Variants in PSMB6 observed in about 807,000 individuals in gnomAD.
PSMB6 encodes the protein proteasome subunit beta type-6.
A neutral mutation model predicts 28.2 loss-of-function variants in PSMB6; 11 were observed. The observed-to-expected ratio is 0.39, with a 90% CI of 0.25 to 0.65. The LOEUF (loss-of-function observed/expected upper bound fraction) is 0.65. PSMB6 is among the 30% of genes least tolerant of loss of function. The probability of loss-of-function intolerance (pLI) is 0.48; values close to 1 mark genes in which losing one functional copy is unlikely to be tolerated. For missense variants in PSMB6, 268 were observed against 319.4 expected, an observed-to-expected ratio of 0.84 and a Z score of 1.23; for synonymous variants, 126 against 117.7, an observed-to-expected ratio of 1.07 and a Z score of -0.45.
At position 4,796,742 on chromosome 17, in the gene PSMB6, C is replaced by G. The variant is rs776873441; in HGVS notation, c.117C>G (p.Ala39=). 6.2e-7 allele frequency: 1 copy of G among 1,607,402 alleles called. No homozygotes were observed. The highest frequency in any genetic ancestry group is 1.7e-5 in the Admixed American group (1 of 59,980). The change falls in exon 2 of 6, where the codon GCC becomes GCG. Residue 39 remains alanine, a synonymous_variant. Transcript: ENST00000270586. ...CCTTTTCCCAGACCACTATCATGGC[C>G]GTGCAGTTTGACGGGGGCGTGGTTC... is the stretch of plus-strand genomic sequence containing the variant. ...REVSTGTTIM[A]VQFDGGVVLG...
chr17:4,797,150 C>T (rs1905354341), intron 2 of PSMB6: 1 of 440,586 alleles, frequency 2.3e-6, no homozygotes, highest in African/African-American at 2.0e-5. Context: ...CCCGTCTCTA[C>T]TAAAAAATAC....
chr17:4,796,173 G>A lies in PSMB6; in HGVS notation c.-22G>A. ...CAGAGCGCTTTACGACAGTTGCTTT[G>A]AGGCAGTACCGGAGGAGAAAGATGG... On this transcript the variant is annotated 5_prime_UTR_variant, in exon 1 of 6. Transcript: ENST00000270586. The A allele has an allele frequency of 6.4e-7, 1 of 1,562,242 alleles. No homozygotes were observed. Among genetic ancestry groups the A allele is most frequent in the South Asian group, 1.2e-5 (1 of 84,962 alleles).
intron 4 of PSMB6, 37 bp from the exon 5 acceptor site, chr17:4,797,972 G>C: frequency 6.2e-7 from 1 of 1,613,126 alleles, no homozygotes; most frequent in African/African-American, 1.3e-5. Context: ...GTTGGAGGGA[G>C]GATACGACTG....
rs1367068299 is a variant in PSMB6, at chr17:4,798,493, G to T, written c.*71G>T. 2.6e-6 allele frequency: 4 copies of T among 1,516,874 alleles called. No homozygotes were observed. The highest frequency in any genetic ancestry group is 1.4e-5 in the African/African-American group (1 of 71,438). 94.0% of individuals were successfully genotyped at this position (1,516,874 alleles called of 1,614,324 possible). A position where few individuals can be genotyped will look rare whatever the true frequency, so the allele number is the denominator to read the frequency against. ...AAAATTTAATAAAGTTTGTCACAGA[G>T]AATCTTTGTACTTTGGGGTTCTTTT... On this transcript the variant is annotated 3_prime_UTR_variant, in exon 6 of 6. Coordinates refer to ENST00000270586, the MANE Select transcript of PSMB6 (RefSeq NM_002798.3).
Position 4,797,559 on chromosome 17 carries a change from G to C in PSMB6, c.292G>C (p.Gly98Arg), listed in dbSNP as rs371370042. ...AGCTGATGCTGTCACCTACCAGCTCGGTTTCCACAGGTGCTTGTGGGCAGG... is the reference window on the plus strand; with the variant it reads ...AGCTGATGCTGTCACCTACCAGCTCCGTTTCCACAGGTGCTTGTGGGCAGG... The part of the protein sequence containing the change: ...AVADAVTYQL[G>R]FHSIELNEPP... Residue 98 changes from glycine (G) to arginine (R), a missense_variant, in exon 3 of 6, where the codon GGT (glycine) becomes CGT (arginine). Coordinates refer to ENST00000270586, the MANE Select transcript of PSMB6 (RefSeq NM_002798.3). 1 of 1,597,310 alleles carries C rather than the reference G, an allele frequency of 6.3e-7. No homozygotes were observed.
At chr17:4,796,325 G>A (rs1456410023) in intron 1 of PSMB6, 29 bp downstream of exon 1, 3 of 1,514,468 alleles carry the variant, frequency 2.0e-6, no homozygotes, top group East Asian at 2.4e-5. Context: ...TTCATAGGAC[G>A]TGCACAAGGC....
In PSMB6 at chr17:4,798,030, G is replaced by T; in HGVS notation, c.454G>T (p.Gly152Cys). The T allele has an allele frequency of 6.2e-7, 1 of 1,614,130 alleles. No homozygotes were observed. Among genetic ancestry groups the T allele is most frequent in the Non-Finnish European group, 8.5e-7 (1 of 1,180,016 alleles). ...GGQVYSVPMG[G>C]MMVRQSFAIG... ...GCAGGTGTACTCAGTGCCTATGGGG[G>T]GTATGATGGTAAGGCAGTCCTTTGC... Residue 152 changes from glycine (G) to cysteine (C), a missense_variant, in exon 5 of 6, where the codon GGT becomes TGT. Gly to Cys is a radical substitution (Grantham distance 159). Coordinates refer to ENST00000270586, the MANE Select transcript of PSMB6 (RefSeq NM_002798.3).
rs1263627997 is a variant in PSMB6, at chr17:4,797,451, A to C, written c.184A>C (p.Asn62His). 2 of 1,572,186 alleles carry C rather than the reference A, an allele frequency of 1.3e-6. No individual in the cohort carries two copies. The highest frequency in any genetic ancestry group is 8.7e-7 in the Non-Finnish European group (1 of 1,156,000). Residue 62 changes from asparagine to histidine, a missense_variant, in exon 3 of 6, where the codon AAT becomes CAT. Transcript: ENST00000270586. ...GCCATCCTGCAGGTCCTACATCGCCAATCGAGTGACTGACAAGCTGACACC... is the reference window on the plus strand; with the variant it reads ...GCCATCCTGCAGGTCCTACATCGCCCATCGAGTGACTGACAAGCTGACACC... ...SRTTTGSYIA[N>H]RVTDKLTPIH...
At chr17:4,796,503 C>A (rs1300948327) in intron 1 of PSMB6, among the ~76,000 whole-genome samples, 3 of 152,094 alleles carry the variant, frequency 2.0e-5, no homozygotes, top group African/African-American at 4.8e-5. Context: ...GTTTGAAATT[C>A]TGAAATCCTG....
Position 4,798,293 on chromosome 17 carries a change from C to T in PSMB6, c.591C>T (p.Ala197=). The T allele has an allele frequency of 6.2e-7, 1 of 1,614,150 alleles. No homozygotes were observed. Among genetic ancestry groups the T allele is most frequent in the South Asian group, 1.1e-5 (1 of 91,070 alleles). The part of the protein sequence containing the change: ...LQFTANALAL[A]MERDGSSGGV... ...TTTTATCCACAGCTCTCGCTTTGGC[C>T]ATGGAGCGGGATGGCTCCAGTGGAG... Residue 197 remains alanine, a synonymous_variant, in exon 6 of 6, where the codon GCC becomes GCT. Transcript: ENST00000270586.
chr17:4,796,237 C>T lies in PSMB6; in HGVS notation c.43C>T (p.Pro15Ser), dbSNP rs750440943. 1.3e-6 allele frequency: 2 copies of T among 1,595,156 alleles called. No homozygotes were observed. The highest frequency in any genetic ancestry group is 2.7e-5 in the African/African-American group (2 of 74,796). The change falls in exon 1 of 6, where the codon CCG becomes TCG. Residue 15 changes from proline (P) to serine (S), a missense_variant. By Grantham distance (74) the Pro-to-Ser change is moderately conservative. Transcript: ENST00000270586. ...AGCTGCTCGGGGAGCCGGGCCAGCA[C>T]CGGCTTGGGGGCCGGAGGCGTTCAC... Reference protein sequence around the residue: ...LLAARGAGPAPAWGPEAFTPD... With the variant: ...LLAARGAGPASAWGPEAFTPD...
chr17:4,797,186 G>A (rs747264391), intron 2 of PSMB6: 6 of 489,478 alleles, frequency 1.2e-5, no homozygotes, highest in Non-Finnish European at 1.4e-5. Flanking sequence ...GTGGCGGTGC[G>A]TGCCTGCAGT....
intron 3 of PSMB6, 42 bp from the exon 4 acceptor site, chr17:4,797,640 C>T (rs1356866719): frequency 6.2e-7 from 1 of 1,609,318 alleles, no homozygotes; most frequent in East Asian, 2.2e-5. Context: ...AGCCTGACTT[C>T]TAGGTCTTGA....
At chr17:4,796,594 G>A in intron 1 of PSMB6, 134 bp from the exon 2 acceptor site, 3 of 892,500 alleles carry the variant, frequency 3.4e-6, no homozygotes, top group Non-Finnish European at 5.7e-6. Context: ...ATTCTGCGGG[G>A]TGCTGAGGCC....
At chr17:4,796,570 G>T (rs1213665433) in intron 1 of PSMB6, among the ~76,000 whole-genome samples, 158 bp from the exon 2 acceptor site, 2 of 152,148 alleles carry the variant, frequency 1.3e-5, no homozygotes, top group African/African-American at 2.4e-5. Context: ...AGATTTGAGG[G>T]TTGGCATTCT....
Position 4,797,546 on chromosome 17 carries a change from C to A in PSMB6, c.279C>A (p.Val93=). The change falls in exon 3 of 6, where the codon GTC becomes GTA. Residue 93 remains valine, a synonymous_variant. Coordinates refer to ENST00000270586, the MANE Select transcript of PSMB6 (RefSeq NM_002798.3). Reference sequence around the variant, plus strand: ...ATACCCAGGCAGTAGCTGATGCTGTCACCTACCAGCTCGGTTTCCACAGGT... The same window carrying A: ...ATACCCAGGCAGTAGCTGATGCTGTAACCTACCAGCTCGGTTTCCACAGGT... ...AADTQAVADA[V]TYQLGFHSIE... The A allele has an allele frequency of 6.2e-7, 1 of 1,601,306 alleles. No individual in the cohort carries two copies. Among genetic ancestry groups the A allele is most frequent in the Non-Finnish European group, 8.5e-7 (1 of 1,171,470 alleles).
At chr17:4,796,417 A>C in intron 1 of PSMB6, 121 bp downstream of exon 1, 1 of 841,490 alleles carries the variant, frequency 1.2e-6, no homozygotes, top group Non-Finnish European at 1.9e-6. Flanking sequence ...GTTGTGCTCC[A>C]GGAATGGGGA....
chr17:4,797,540 T>C lies in PSMB6; in HGVS notation c.273T>C (p.Asp91=). 1.2e-6 allele frequency: 2 copies of C among 1,602,984 alleles called. No individual in the cohort carries two copies. The highest frequency in any genetic ancestry group is 8.5e-7 in the Non-Finnish European group (1 of 1,172,248). ...CTGCTGATACCCAGGCAGTAGCTGA[T>C]GCTGTCACCTACCAGCTCGGTTTCC... ...GSAADTQAVA[D]AVTYQLGFHS... The change falls in exon 3 of 6, where the codon GAT becomes GAC. Residue 91 remains aspartate, a synonymous_variant. Coordinates refer to ENST00000270586, the MANE Select transcript of PSMB6 (RefSeq NM_002798.3).
At chr17:4,796,606 C>T (rs1210524424) in intron 1 of PSMB6, 122 bp from the exon 2 acceptor site, 3 of 970,972 alleles carry the variant, frequency 3.1e-6, no homozygotes, top group African/African-American at 1.6e-5. Context: ...GCTGAGGCCC[C>T]TATAAGATTT....
Sources: allele counts gnomAD v4.1 joint callset (sites outside exome capture counted in the v4.1 genomes callset), GRCh38; gene constraint gnomAD v4.1.1; transcripts MANE v1.5; gene names NCBI Gene and HGNC (gene_info 2026-07-23, HGNC 2026-07-21).